GALNT13: variants seen among roughly 807,000 people sequenced by gnomAD.
GALNT13 encodes the protein polypeptide N-acetylgalactosaminyltransferase 13, also known as UDP-GalNAc:polypeptide N-acetylgalactosaminyltransferase 13.
Under a neutral mutation model 64.2 loss-of-function variants are expected in GALNT13, and 28 were observed. The observed-to-expected ratio is 0.44, with a 90% CI of 0.32 to 0.60. The LOEUF is 0.60. GALNT13 is among the 20% of genes least tolerant of loss of function. The probability of loss-of-function intolerance (pLI) is 0.05; values close to 1 mark genes in which losing one functional copy is unlikely to be tolerated. For missense variants in GALNT13, 577 were observed against 669.8 expected, an observed-to-expected ratio of 0.86 and a Z score of 1.53; for synonymous variants, 214 against 224.6, an observed-to-expected ratio of 0.95 and a Z score of 0.42.
the GALNT13 span, among the ~76,000 whole-genome samples, chr2:153,481,493 T>C: frequency 6.6e-6 from 1 of 152,284 alleles, no homozygotes; most frequent in African/African-American, 2.4e-5. Flanking sequence ...TGGATGAACA[T>C]ATGGTATGCA....
intron 3 of GALNT13, among the ~76,000 whole-genome samples, chr2:154,057,405 C>G (rs1394879126): frequency 6.6e-6 from 1 of 152,182 alleles, no homozygotes; most frequent in Non-Finnish European, 1.5e-5. Flanking sequence ...ACAAAATGTA[C>G]TGTGAGATTC....
chr2:154,433,142 G>A (rs954726493), intron 11 of GALNT13, among the ~76,000 whole-genome samples: 16 of 152,162 alleles, frequency 1.1e-4, no homozygotes, highest in African/African-American at 3.1e-4. Context: ...GATGCCAGTT[G>A]GAGAGCTTGG....
At chr2:153,640,352 G>T in the GALNT13 span, among the ~76,000 whole-genome samples, 3 of 152,042 alleles carry the variant, frequency 2.0e-5, no homozygotes, top group Non-Finnish European at 4.4e-5. Context: ...AAAGAGTGGT[G>T]GTCCATACTG....
the GALNT13 span, among the ~76,000 whole-genome samples, chr2:153,651,141 C>G: frequency 6.6e-6 from 1 of 152,058 alleles, no homozygotes; most frequent in Non-Finnish European, 1.5e-5. Context: ...GGGTAGATCT[C>G]ATTTTAAGTA....
intron 3 of GALNT13, among the ~76,000 whole-genome samples, chr2:154,031,146 A>G (rs573769003): frequency 5.9e-5 from 9 of 152,152 alleles, no homozygotes; most frequent in African/African-American, 2.2e-4. Context: ...TGTGTAGGAG[A>G]AGTATTGGGA....
the GALNT13 span, among the ~76,000 whole-genome samples, chr2:153,173,779 A>G: frequency 6.6e-6 from 1 of 152,280 alleles, no homozygotes; most frequent in African/African-American, 2.4e-5. Context: ...TATCAAATCA[A>G]AGTCTCAAAT....
chr2:153,941,239 GC>G (rs1691318371), intron 2 of GALNT13, among the ~76,000 whole-genome samples: 1 of 151,900 alleles, frequency 6.6e-6, no homozygotes, highest in African/African-American at 2.4e-5. Flanking sequence ...CAGATGATCC[GC>G]CCGCCTCAGC....
chr2:154,038,007 G>A (rs1698762986), intron 3 of GALNT13, among the ~76,000 whole-genome samples: 2 of 152,018 alleles, frequency 1.3e-5, no homozygotes. Flanking sequence ...AATTAGTCAG[G>A]CCTGGTGTCA....
At chr2:153,298,938 A>G in the GALNT13 span, among the ~76,000 whole-genome samples, 1 of 152,176 alleles carries the variant, frequency 6.6e-6, no homozygotes, top group African/African-American at 2.4e-5. Context: ...AAAGGAATAG[A>G]TATTTTTTCT....
At chr2:154,196,512 T>G (rs1686887277) in intron 4 of GALNT13, among the ~76,000 whole-genome samples, 1 of 152,164 alleles carries the variant, frequency 6.6e-6, no homozygotes, top group Admixed American at 6.6e-5. Context: ...AATTAGCTAT[T>G]CATAGATTCA....
At chr2:154,245,606 A>G (rs1689738186) in intron 6 of GALNT13, among the ~76,000 whole-genome samples, 1 of 152,188 alleles carries the variant, frequency 6.6e-6, no homozygotes, top group Non-Finnish European at 1.5e-5. Flanking sequence ...ACTTGTTTAG[A>G]TTTCAAAAGA....
chr2:153,994,497 C>T (rs1574287160), intron 3 of GALNT13, among the ~76,000 whole-genome samples: 1 of 152,324 alleles, frequency 6.6e-6, no homozygotes, highest in East Asian at 1.9e-4. Context: ...GCCACACTGT[C>T]TTCCACAATG....
At chr2:153,627,387 T>C in the GALNT13 span, among the ~76,000 whole-genome samples, 2 of 152,150 alleles carry the variant, frequency 1.3e-5, no homozygotes, top group Non-Finnish European at 2.9e-5. Flanking sequence ...AATAAGTAGA[T>C]ATTCTTTTAA....
the GALNT13 span, among the ~76,000 whole-genome samples, chr2:153,665,113 T>C: frequency 6.6e-6 from 1 of 152,204 alleles, no homozygotes; most frequent in Non-Finnish European, 1.5e-5. Context: ...CTACTAGCTG[T>C]GTGATTGATC....
chr2:153,716,073 A>G, the GALNT13 span, among the ~76,000 whole-genome samples: 1 of 152,196 alleles, frequency 6.6e-6, no homozygotes, highest in African/African-American at 2.4e-5. Flanking sequence ...ATACAACAAC[A>G]ACAAAAACCT....
intron 4 of GALNT13, among the ~76,000 whole-genome samples, chr2:154,208,167 A>G (rs538806110): frequency 7.2e-5 from 11 of 152,346 alleles, no homozygotes; most frequent in Non-Finnish European, 1.3e-4. Context: ...TAAAAAGAGC[A>G]AGAAAAATAT....
the GALNT13 span, among the ~76,000 whole-genome samples, chr2:153,391,772 T>C: frequency 2.6e-5 from 4 of 152,038 alleles, no homozygotes; most frequent in Non-Finnish European, 5.9e-5. Flanking sequence ...GCCCTTTTAC[T>C]CACAGATTTG....
intron 1 of GALNT13, among the ~76,000 whole-genome samples, chr2:153,883,206 T>C (rs540505326): frequency 5.4e-4 from 82 of 151,520 alleles, no homozygotes; most frequent in African/African-American, 2.0e-3. Flanking sequence ...TATTTTCAAA[T>C]ATTTTAAGGG....
intron 3 of GALNT13, among the ~76,000 whole-genome samples, chr2:153,949,000 G>T (rs1177370987): frequency 6.6e-6 from 1 of 150,864 alleles, no homozygotes; most frequent in African/African-American, 2.4e-5. Context: ...TAAAATAAAA[G>T]TTAAACAAAT....
Sources: allele counts gnomAD v4.1 joint callset (sites outside exome capture counted in the v4.1 genomes callset), GRCh38; gene constraint gnomAD v4.1.1; transcripts MANE v1.5; gene names NCBI Gene and HGNC (gene_info 2026-07-23, HGNC 2026-07-21).